Variants in INPP4B observed in about 807,000 individuals in gnomAD.
The protein encoded by INPP4B is inositol polyphosphate-4-phosphatase type II B, also known as inositol polyphosphate 4-phosphatase type II.
A neutral mutation model predicts 122.5 loss-of-function variants in INPP4B; 55 were observed. The ratio of observed to expected loss-of-function variants is 0.45; its 90% confidence interval spans 0.36 to 0.56. INPP4B has a LOEUF of 0.56. INPP4B is among the 20% of genes least tolerant of loss of function. The pLI is 0.00. For synonymous variants in INPP4B, 403 were observed against 388.7 expected (o/e 1.04, Z -0.43); for missense variants, 1,000 against 1,097.7 (o/e 0.91, Z 1.26).
chr4:142,166,629 G>T (rs1454897171), intron 16 of INPP4B, among the ~76,000 whole-genome samples: 3 of 151,584 alleles, frequency 2.0e-5, no homozygotes, highest in Non-Finnish European at 4.4e-5. Context: ...GAAAATTTTT[G>T]CAGTCTATCC....
intron 2 of INPP4B, among the ~76,000 whole-genome samples, chr4:142,547,250 T>C (rs1429589884): frequency 6.6e-6 from 1 of 151,988 alleles, no homozygotes; most frequent in African/African-American, 2.4e-5. Context: ...TGTATACAAG[T>C]AGTATTTCTG....
At chr4:142,628,907 C>T (rs185451290) in intron 2 of INPP4B, among the ~76,000 whole-genome samples, 5 of 152,088 alleles carry the variant, frequency 3.3e-5, no homozygotes, top group Admixed American at 6.6e-5. Context: ...TATTTATTTC[C>T]TAAGAAATAA....
chr4:142,623,350 C>A (rs1177872434), intron 2 of INPP4B, among the ~76,000 whole-genome samples: 1 of 151,882 alleles, frequency 6.6e-6, no homozygotes, highest in Non-Finnish European at 1.5e-5. Context: ...GCTTGGTGAA[C>A]CCTTAGCACC....
chr4:142,558,781 C>A (rs1435872077), intron 2 of INPP4B, among the ~76,000 whole-genome samples: 2 of 99,722 alleles, frequency 2.0e-5, no homozygotes, highest in Admixed American at 1.5e-4. Context: ...GGCGACAGAG[C>A]AAGACTCCCT....
chr4:142,478,588 T>A lies in INPP4B; in HGVS notation c.-190-15862A>T, dbSNP rs115848426. Among the ~76,000 whole-genome samples the A allele has an allele frequency of 2.5e-3, 375 of 152,314 alleles. 2 individuals are homozygous for A. The highest frequency in any genetic ancestry group is 8.5e-3 in the African/African-American group (352 of 41,572). ...AGTTCGGTTTATGTGATGAATCAAA[T>A]TTAATGATTTCTATATGTTAAATCA... is the stretch of plus-strand genomic sequence containing the variant. On this transcript the variant is annotated intron_variant, in intron 2 of 25. Transcript: ENST00000262992.
chr4:142,243,426 A>G (rs182690619), intron 11 of INPP4B, among the ~76,000 whole-genome samples: 36 of 152,324 alleles, frequency 2.4e-4, no homozygotes, highest in Non-Finnish European at 4.4e-4. Context: ...TGGAAATTTC[A>G]ATAGAGCAAA....
rs78949983 is a variant in INPP4B at position 142,370,409 on chromosome 4, C to A, written c.372+32529G>T. ...AAAGTACTTAAGACTTTAGATTCCT[C>A]AAAATTTATGTCTACATAATATAAT... On this transcript the variant is annotated intron_variant, in intron 7 of 25. Coordinates refer to ENST00000262992, the MANE Select transcript of INPP4B (RefSeq NM_001101669.3). Among the ~76,000 whole-genome samples the A allele has an allele frequency of 3.4e-3, 520 of 152,110 alleles. 5 individuals carry two copies. The highest frequency in any genetic ancestry group is 0.012 in the African/African-American group (492 of 41,494).
chr4:142,424,848 C>T (rs190973359), intron 5 of INPP4B, among the ~76,000 whole-genome samples: 3 of 151,970 alleles, frequency 2.0e-5, no homozygotes, highest in Admixed American at 2.0e-4. Context: ...TGATGGATGG[C>T]CACATTCTAG....
chr4:142,299,639 C>T (rs775840408), intron 9 of INPP4B, among the ~76,000 whole-genome samples: 1 of 150,578 alleles, frequency 6.6e-6, no homozygotes, highest in Non-Finnish European at 1.5e-5. Context: ...TAACACTGTT[C>T]TGTTTTATAG....
intron 2 of INPP4B, among the ~76,000 whole-genome samples, chr4:142,551,271 A>C (rs551057955): frequency 2.6e-5 from 4 of 152,300 alleles, no homozygotes; most frequent in Admixed American, 1.3e-4. Flanking sequence ...ATGGCATGGC[A>C]AGAAGCCTTT....
intron 1 of INPP4B, among the ~76,000 whole-genome samples, chr4:142,737,214 C>A (rs899575729): frequency 7.9e-5 from 12 of 152,140 alleles, no homozygotes; most frequent in African/African-American, 2.9e-4. Flanking sequence ...TCAAACTATA[C>A]TACAAGGCTA....
intron 18 of INPP4B, among the ~76,000 whole-genome samples, chr4:142,142,435 A>G (rs1288070834): frequency 1.3e-5 from 2 of 152,234 alleles, no homozygotes; most frequent in South Asian, 2.1e-4. Context: ...AAATGTTTCT[A>G]TCCATCCAGA....
chr4:142,822,775 T>C (rs1780947209), intron 1 of INPP4B, among the ~76,000 whole-genome samples: 1 of 152,144 alleles, frequency 6.6e-6, no homozygotes, highest in Non-Finnish European at 1.5e-5. Context: ...ACAGTGGACA[T>C]TCTCTCCATT....
chr4:142,600,906 A>C (rs1429087509), intron 2 of INPP4B, among the ~76,000 whole-genome samples: 1 of 152,176 alleles, frequency 6.6e-6, no homozygotes, highest in Non-Finnish European at 1.5e-5. Context: ...AAATCAGATA[A>C]AGCAGACTTT....
chr4:142,418,095 G>A (rs116908696), intron 5 of INPP4B, among the ~76,000 whole-genome samples: 1 of 152,116 alleles, frequency 6.6e-6, no homozygotes, highest in East Asian at 1.9e-4. Flanking sequence ...AACTCAACTT[G>A]TTCACCTCCA....
In INPP4B at chr4:142,208,534, T is replaced by C. The variant is rs1260448213; in HGVS notation, c.968-5A>G. 5.4e-6 allele frequency: 8 copies of C among 1,485,706 alleles called. No homozygotes were observed. The highest frequency in any genetic ancestry group is 3.7e-5 in the South Asian group (3 of 81,426). The allele number at this position is 1,485,706 out of a possible 1,614,324, so 92.0% of individuals were successfully genotyped here. The stretch of plus-strand genomic sequence containing the variant: ...TGCTTGATTTGAAAGAGGACCCTGA[T>C]GGAAACCAGAAATTAAACATTATTA... On this transcript the variant is annotated splice_region_variant and splice_polypyrimidine_tract_variant and intron_variant, in intron 13 of 25. Coordinates refer to ENST00000262992, the MANE Select transcript of INPP4B (RefSeq NM_001101669.3).
intron 11 of INPP4B, among the ~76,000 whole-genome samples, chr4:142,242,795 C>T (rs1860137637): frequency 6.6e-6 from 1 of 152,156 alleles, no homozygotes; most frequent in African/African-American, 2.4e-5. Context: ...ACATCACATC[C>T]CCGTCTCTAT....
At chr4:142,042,520 A>ATGTG (rs1191824136) in intron 25 of INPP4B, among the ~76,000 whole-genome samples, 235 of 37,500 alleles carry the variant, frequency 6.3e-3, no homozygotes, top group African/African-American at 0.012. Flanking sequence ...GTGTGTGTGT[A>ATGTG]TGTATGTATG....
At chr4:142,739,530 A>T (rs551884379) in intron 1 of INPP4B, among the ~76,000 whole-genome samples, 1 of 152,174 alleles carries the variant, frequency 6.6e-6, no homozygotes, top group African/African-American at 2.4e-5. Flanking sequence ...TTTATATTTC[A>T]GTAAATTCGA....
Sources: allele counts gnomAD v4.1 joint callset (sites outside exome capture counted in the v4.1 genomes callset), GRCh38; gene constraint gnomAD v4.1.1; transcripts MANE v1.5; gene names NCBI Gene and HGNC (gene_info 2026-07-23, HGNC 2026-07-21).